The following PIBF1 variants were observed in gnomAD, a reference collection of about 807,000 sequenced individuals.
The protein encoded by PIBF1 is progesterone-induced-blocking factor 1.
Under a neutral mutation model 112.5 loss-of-function variants are expected in PIBF1, and 90 were observed. That is an observed-to-expected ratio of 0.80 (90% CI 0.67 to 0.95). The LOEUF is 0.95. PIBF1 is among the 40% of genes least tolerant of loss of function. The probability of loss-of-function intolerance (pLI) is 0.00; values close to 1 mark genes in which losing one functional copy is unlikely to be tolerated. For synonymous variants in PIBF1, 301 were observed against 288.6 expected, an observed-to-expected ratio of 1.04 and a Z score of -0.44; for missense variants, 915 against 852.3, an observed-to-expected ratio of 1.07 and a Z score of -0.92.
At chr13:72,987,704 G>T (rs1327003164) in intron 16 of PIBF1, among the ~76,000 whole-genome samples, 2 of 147,946 alleles carry the variant, frequency 1.4e-5, no homozygotes, top group African/African-American at 2.5e-5. Flanking sequence ...TTGAGAAGGG[G>T]TCTTGCTATG....
intron 16 of PIBF1, among the ~76,000 whole-genome samples, chr13:72,996,086 GC>G (rs1329527293): frequency 7.3e-4 from 37 of 50,670 alleles, no homozygotes; most frequent in African/African-American, 2.6e-3. Flanking sequence ...AAAAAAAAAA[GC>G]GGGGGGGGGG....
intron 11 of PIBF1, among the ~76,000 whole-genome samples, chr13:72,902,761 G>A (rs994350579): frequency 5.9e-5 from 9 of 152,250 alleles, no homozygotes; most frequent in Non-Finnish European, 1.3e-4. Flanking sequence ...ATGTTCTTGG[G>A]TATTTTAGAT....
At chr13:72,814,791 A>G (rs552618039) in intron 5 of PIBF1, among the ~76,000 whole-genome samples, 1 of 152,176 alleles carries the variant, frequency 6.6e-6, no homozygotes, top group African/African-American at 2.4e-5. Context: ...GAAAGCTGGA[A>G]AAAGATGAGT....
intron 16 of PIBF1, among the ~76,000 whole-genome samples, chr13:72,982,970 G>T (rs1284616923): frequency 6.6e-6 from 1 of 152,182 alleles, no homozygotes; most frequent in Non-Finnish European, 1.5e-5. Context: ...GATGGTAGTT[G>T]TAGGCACAGC....
intron 8 of PIBF1, among the ~76,000 whole-genome samples, chr13:72,834,747 C>T (rs1451345366): frequency 6.6e-6 from 1 of 152,138 alleles, no homozygotes; most frequent in African/African-American, 2.4e-5. Context: ...GTTTTTCATA[C>T]CCTATATAAT....
chr13:72,911,844 G>A (rs1377238348), intron 12 of PIBF1, among the ~76,000 whole-genome samples: 1 of 152,062 alleles, frequency 6.6e-6, no homozygotes. Flanking sequence ...AGATGTCCAT[G>A]TCCTGTTGGG....
Position 72,835,292 on chromosome 13 carries a change from C to T in PIBF1, c.1147C>T (p.Gln383Ter). 1 of 1,592,246 alleles carries T rather than the reference C, an allele frequency of 6.3e-7. No individual in the cohort carries two copies. The change falls in exon 9 of 18, where the codon CAA becomes TAA. Residue 383 changes from glutamine (Q) to a stop codon, truncating the protein, a stop_gained. Coordinates refer to ENST00000326291, the MANE Select transcript of PIBF1 (RefSeq NM_006346.4). LOFTEE classifies it high-confidence loss of function. ...AAATAAACTACATGATGAACTAGAA[C>T]AAATCAGATTGAAAACCAACCAAGA... The part of the protein sequence containing the change: ...YENKLHDELE[Q>*]IRLKTNQEID...
chr13:72,924,573 T>C (rs1246571952), intron 13 of PIBF1, among the ~76,000 whole-genome samples: 2 of 152,110 alleles, frequency 1.3e-5, no homozygotes, highest in Non-Finnish European at 2.9e-5. Context: ...ATTTTAAAAA[T>C]GAGCCAATCA....
At chr13:72,987,050 A>G (rs1021884903) in intron 16 of PIBF1, among the ~76,000 whole-genome samples, 5 of 152,208 alleles carry the variant, frequency 3.3e-5, no homozygotes, top group African/African-American at 1.2e-4. Context: ...TCTAGTCAGT[A>G]CTTCTTTCTT....
In PIBF1 at chr13:72,965,942, C is replaced by CA. The variant is rs1332218313; in HGVS notation, c.1964+546dup. Among the ~76,000 whole-genome samples, 5 of 151,374 alleles carry CA rather than the reference C, an allele frequency of 3.3e-5. No individual in the cohort carries two copies. The East Asian group carries it at 9.7e-4, about 29-fold the overall frequency. The stretch of plus-strand genomic sequence containing the variant: ...AATTGTTTCTGTATGAGATCTTATC[C>CA]AAAAAAAATTTGCTATGACCAGTTT... On this transcript the variant is annotated intron_variant, in intron 15 of 17. Coordinates refer to ENST00000326291, the MANE Select transcript of PIBF1 (RefSeq NM_006346.4).
chr13:72,949,300 C>CTTTTTTTTTTTTTTTTTTTTGTTTTTTT (rs2042233258), intron 14 of PIBF1, among the ~76,000 whole-genome samples: 1 of 54,954 alleles, frequency 1.8e-5, no homozygotes, highest in Non-Finnish European at 3.2e-5. Context: ...AAATAGCTGT[C>CTTTTTTTTTTTTTTTTTTTTGTTTTTTT]TTTTTTTTTT....
At chr13:72,989,912 T>C (rs1291597356) in intron 16 of PIBF1, among the ~76,000 whole-genome samples, 3 of 152,042 alleles carry the variant, frequency 2.0e-5, no homozygotes, top group African/African-American at 7.2e-5. Context: ...CGTCATAAAA[T>C]GCTTTATTAA....
At chr13:72,996,140 C>T (rs2043660158) in intron 16 of PIBF1, among the ~76,000 whole-genome samples, 1 of 118,612 alleles carries the variant, frequency 8.4e-6, no homozygotes, top group East Asian at 2.7e-4. Context: ...GGAAAAATTG[C>T]CACTCATATT....
intron 2 of PIBF1, among the ~76,000 whole-genome samples, chr13:72,791,081 G>A (rs896577874): frequency 7.4e-5 from 11 of 147,846 alleles, no homozygotes; most frequent in Admixed American, 1.4e-4. Context: ...TTTAGATGGA[G>A]TCTCACTCTG....
intron 16 of PIBF1, among the ~76,000 whole-genome samples, chr13:72,976,299 G>C (rs556375771): frequency 1.3e-4 from 19 of 151,998 alleles, no homozygotes; most frequent in African/African-American, 4.6e-4. Flanking sequence ...AGAGAAAGAG[G>C]GAGGGAGGGT....
chr13:72,782,908 T>TGTGTGTG (rs1566260541), intron 1 of PIBF1, among the ~76,000 whole-genome samples: 6 of 133,230 alleles, frequency 4.5e-5, no homozygotes, highest in African/African-American at 1.8e-4. Context: ...GTGTGTGTGT[T>TGTGTGTG]TGTGTTTGTG....
At chr13:72,930,152 G>A (rs931442314) in intron 13 of PIBF1, among the ~76,000 whole-genome samples, 36 of 152,134 alleles carry the variant, frequency 2.4e-4, no homozygotes, top group African/African-American at 8.2e-4. Flanking sequence ...GAGCCACCGC[G>A]CCTGGCCTTA....
At chr13:73,006,955 G>A (rs542867530) in intron 17 of PIBF1, among the ~76,000 whole-genome samples, 5 of 151,480 alleles carry the variant, frequency 3.3e-5, no homozygotes, top group African/African-American at 1.2e-4. Context: ...ATACTTTAGG[G>A]CCTGTTAATA....
Position 73,003,380 on chromosome 13 carries a change from G to A in PIBF1, c.2223+4385G>A, listed in dbSNP as rs562258678. On this transcript the variant is annotated intron_variant, in intron 17 of 17. Transcript: ENST00000326291. ...CAGTTCTCTTGCCTCAGCCTCCTGAGCAGTTGGGATTACAGGCACATGCCA... is the reference window on the plus strand; with the variant it reads ...CAGTTCTCTTGCCTCAGCCTCCTGAACAGTTGGGATTACAGGCACATGCCA... Among the ~76,000 whole-genome samples, 3 of 151,992 alleles carry A rather than the reference G, an allele frequency of 2.0e-5. No individual in the cohort carries two copies. The South Asian group carries it at 6.2e-4, about 32-fold the overall frequency.
Sources: allele counts gnomAD v4.1 joint callset (sites outside exome capture counted in the v4.1 genomes callset), GRCh38; gene constraint gnomAD v4.1.1; transcripts MANE v1.5; gene names NCBI Gene and HGNC (gene_info 2026-07-23, HGNC 2026-07-21).